The following RTN4 variants were observed in gnomAD, a reference collection of about 807,000 sequenced individuals.
RTN4 encodes reticulon-4.
Under a neutral mutation model 90.4 loss-of-function variants are expected in RTN4, and 32 were observed. The observed-to-expected ratio is 0.35, with a 90% CI of 0.27 to 0.48. The LOEUF is 0.48. Among genes scored for constraint, RTN4 ranks in the 20% least tolerant of loss-of-function variants. The pLI is 0.99. For synonymous variants in RTN4, 629 were observed against 552.5 expected, an observed-to-expected ratio of 1.14 and a Z score of -1.94; for missense variants, 1,706 against 1,430.2, an observed-to-expected ratio of 1.19 and a Z score of -3.11.
At chr2:55,020,085 C>T (rs1374937550) in intron 3 of RTN4, among the ~76,000 whole-genome samples, 1 of 152,036 alleles carries the variant, frequency 6.6e-6, no homozygotes, top group Non-Finnish European at 1.5e-5. Context: ...ATTCCATGTT[C>T]ATGAATCATA....
chr2:55,129,479 T>G, the RTN4 span, among the ~76,000 whole-genome samples: 7 of 151,814 alleles, frequency 4.6e-5, no homozygotes, highest in Non-Finnish European at 1.0e-4. Flanking sequence ...ACTCAGGAGG[T>G]TGAGATAGGA....
intron 1 of RTN4, among the ~76,000 whole-genome samples, chr2:55,107,280 T>C (rs938198301): frequency 2.0e-5 from 3 of 151,478 alleles, no homozygotes; most frequent in African/African-American, 4.9e-5. Flanking sequence ...GCATAATCAG[T>C]GACTTGTACA....
chr2:55,125,710 G>A, the RTN4 span, among the ~76,000 whole-genome samples: 1 of 152,114 alleles, frequency 6.6e-6, no homozygotes, highest in Non-Finnish European at 1.5e-5. Flanking sequence ...AGGTTGCAGT[G>A]AGCCAAGATC....
At chr2:55,066,196 T>TGC (rs1668390410) in intron 2 of RTN4, among the ~76,000 whole-genome samples, 2 of 62,444 alleles carry the variant, frequency 3.2e-5, no homozygotes, top group Non-Finnish European at 7.8e-5. Flanking sequence ...TGTGTGTTTG[T>TGC]GTGTGTGTGT....
At position 55,098,806 on chromosome 2, in the gene RTN4, G is replaced by T. The variant is rs529536269; in HGVS notation, c.-214+13714C>A. Among the ~76,000 whole-genome samples the T allele has an allele frequency of 2.6e-5, 4 of 152,166 alleles. No individual in the cohort carries two copies. The South Asian group carries it at 8.3e-4, about 32-fold the overall frequency. ...ATTTATTGACGAAATCAGGTCATTTGTTCCGTAGAGTTTCTCATAGTCTAG... is the reference window on the plus strand; with the variant it reads ...ATTTATTGACGAAATCAGGTCATTTTTTCCGTAGAGTTTCTCATAGTCTAG... On this transcript the variant is annotated intron_variant, in intron 1 of 3. Transcript: ENST00000427710.
intron 2 of RTN4, among the ~76,000 whole-genome samples, chr2:55,072,123 C>G (rs1179306727): frequency 1.3e-5 from 2 of 148,674 alleles, no homozygotes; most frequent in African/African-American, 2.5e-5. Flanking sequence ...TAAACAGTCC[C>G]TTATTGATGT....
chr2:55,128,733 C>A, the RTN4 span, among the ~76,000 whole-genome samples: 5 of 151,458 alleles, frequency 3.3e-5, no homozygotes, highest in Non-Finnish European at 7.4e-5. Flanking sequence ...ATATCTGAAG[C>A]AGGTATTACA....
chr2:55,083,535 A>G (rs997475280), intron 1 of RTN4, among the ~76,000 whole-genome samples: 6 of 152,194 alleles, frequency 3.9e-5, no homozygotes, highest in African/African-American at 1.4e-4. Flanking sequence ...GAATTCATAT[A>G]CTATGATTTA....
At chr2:55,058,584 C>G (rs1668232406) in intron 2 of RTN4, among the ~76,000 whole-genome samples, 1 of 152,160 alleles carries the variant, frequency 6.6e-6, no homozygotes, top group Non-Finnish European at 1.5e-5. Context: ...TGTTCTCTTA[C>G]TGTGTTAAGC....
chr2:55,046,530 C>A (rs1343105268), intron 1 of RTN4, among the ~76,000 whole-genome samples: 1 of 152,148 alleles, frequency 6.6e-6, no homozygotes, highest in Non-Finnish European at 1.5e-5. Context: ...CCTAAAAAAG[C>A]CCCCATAAAT....
At chr2:55,080,684 T>A (rs931226015) in intron 1 of RTN4, 22 of 152,222 alleles carry the variant, frequency 1.4e-4, no homozygotes, top group African/African-American at 5.1e-4. Context: ...ACTGAAACCG[T>A]CTTTCTAAGA....
At chr2:55,104,698 C>T (rs1667911514) in intron 1 of RTN4, among the ~76,000 whole-genome samples, 1 of 151,894 alleles carries the variant, frequency 6.6e-6, no homozygotes. Flanking sequence ...ACATCCATTC[C>T]TTCCTATTTT....
intron 1 of RTN4, among the ~76,000 whole-genome samples, chr2:55,033,771 T>C (rs1408676532): frequency 6.6e-6 from 1 of 152,258 alleles, no homozygotes; most frequent in Non-Finnish European, 1.5e-5. Flanking sequence ...ACAGTTGTTT[T>C]ATATTTTGGT....
At chr2:55,035,622 G>A (rs987974959) in intron 1 of RTN4, among the ~76,000 whole-genome samples, 5 of 149,426 alleles carry the variant, frequency 3.3e-5, no homozygotes, top group Non-Finnish European at 7.4e-5. Context: ...ATAGAAAACA[G>A]ATTAAAAAAA....
At chr2:55,033,753 G>A (rs970178218) in intron 1 of RTN4, among the ~76,000 whole-genome samples, 2 of 152,038 alleles carry the variant, frequency 1.3e-5, no homozygotes, top group Non-Finnish European at 2.9e-5. Flanking sequence ...TTTTTTAATT[G>A]ATATATAACA....
intron 2 of RTN4, chr2:55,056,695 A>T (rs974254179): frequency 2.0e-5 from 3 of 151,882 alleles, no homozygotes; most frequent in Non-Finnish European, 4.4e-5. Context: ...TGTAGTTTTG[A>T]CCTTCAAATT....
chr2:55,029,556 G>A (rs1359536168), intron 1 of RTN4, among the ~76,000 whole-genome samples: 3 of 152,138 alleles, frequency 2.0e-5, no homozygotes, highest in African/African-American at 7.2e-5. Context: ...AGACAAGGCT[G>A]ATCAAAACAG....
intron 5 of RTN4, among the ~76,000 whole-genome samples, chr2:54,976,943 T>C (rs1677684591): frequency 6.6e-6 from 1 of 152,222 alleles, no homozygotes; most frequent in South Asian, 2.1e-4. Context: ...TAAAATGTAA[T>C]GAAGATCTAA....
chr2:55,043,715 G>T (rs1273684966), intron 1 of RTN4, among the ~76,000 whole-genome samples: 1 of 151,922 alleles, frequency 6.6e-6, no homozygotes, highest in Non-Finnish European at 1.5e-5. Context: ...GTGAAACCCC[G>T]TCTCTACTAA....
Sources: gnomAD v4.1 joint callset for allele counts (sites outside exome capture counted in the v4.1 genomes callset) on GRCh38, gnomAD v4.1.1 for gene constraint, MANE v1.5 for transcripts, NCBI Gene and HGNC (gene_info 2026-07-23, HGNC 2026-07-21) for gene names.